UNC13C: variants seen among roughly 807,000 people sequenced by gnomAD.
The protein encoded by UNC13C is protein unc-13 homolog C.
A neutral mutation model predicts 245.4 loss-of-function variants in UNC13C; 174 were observed. The ratio of observed to expected loss-of-function variants is 0.71; its 90% CI spans 0.63 to 0.80. The LOEUF (loss-of-function observed/expected upper bound fraction) is 0.80, where lower values mean the gene tolerates loss of function less well. Ranked by LOEUF, UNC13C falls within the 30% of genes least tolerant of loss-of-function variation. The probability of loss-of-function intolerance (pLI) is 0.00; values close to 1 mark genes in which losing one functional copy is unlikely to be tolerated. For synonymous variants in UNC13C, 992 were observed against 895.1 expected (o/e 1.11, Z -1.93); for missense variants, 2,829 against 2,602.9 (o/e 1.09, Z -1.89).
intron 7 of UNC13C, among the ~76,000 whole-genome samples, chr15:54,238,230 A>G (rs1480880766): frequency 6.6e-6 from 1 of 152,032 alleles, no homozygotes; most frequent in Non-Finnish European, 1.5e-5. Context: ...GCTTGCCACC[A>G]TGCCCAGCTA....
At chr15:54,266,291 A>G (rs1460514820) in intron 10 of UNC13C, among the ~76,000 whole-genome samples, 1 of 151,990 alleles carries the variant, frequency 6.6e-6, no homozygotes, top group East Asian at 1.9e-4. Flanking sequence ...GTCTTAAGAA[A>G]TAGGTTTGGA....
intron 1 of UNC13C, among the ~76,000 whole-genome samples, chr15:53,984,702 A>C (rs1894058666): frequency 6.6e-6 from 1 of 152,152 alleles, no homozygotes; most frequent in East Asian, 1.9e-4. Flanking sequence ...TTTGAAATGT[A>C]CATGTTATTA....
intron 10 of UNC13C, among the ~76,000 whole-genome samples, chr15:54,285,964 G>A (rs967145425): frequency 3.3e-5 from 5 of 151,894 alleles, no homozygotes; most frequent in Admixed American, 6.6e-5. Context: ...TGCAACCTCC[G>A]CCTCCCCAGT....
intron 2 of UNC13C, among the ~76,000 whole-genome samples, chr15:54,128,868 C>T (rs1233287091): frequency 1.3e-5 from 2 of 152,148 alleles, no homozygotes; most frequent in African/African-American, 4.8e-5. Flanking sequence ...AGGGGAGTAA[C>T]CTCCTTAGTA....
At chr15:54,191,826 T>C (rs1471581948) in intron 4 of UNC13C, among the ~76,000 whole-genome samples, 1 of 152,210 alleles carries the variant, frequency 6.6e-6, no homozygotes, top group African/African-American at 2.4e-5. Context: ...TTTTTTCATA[T>C]GTTTTTTGGC....
Position 54,017,147 on chromosome 15 carries a change from T to C in UNC13C, c.2983+1261T>C, listed in dbSNP as rs187216517. Among the ~76,000 whole-genome samples, 14 of 152,318 alleles carry C rather than the reference T, an allele frequency of 9.2e-5. No individual in the cohort carries two copies. In the East Asian group the frequency reaches 2.7e-3, roughly 29 times the overall value. ...TCTATCTTTATAAAACAACACAGTT[T>C]ATGTAATTTATTTAGGAATGATATA... is the stretch of plus-strand genomic sequence containing the variant. On this transcript the variant is annotated intron_variant, in intron 2 of 32. Transcript: ENST00000260323.
intron 19 of UNC13C, among the ~76,000 whole-genome samples, chr15:54,430,041 A>G (rs1342746650): frequency 6.6e-6 from 1 of 151,662 alleles, no homozygotes; most frequent in Non-Finnish European, 1.5e-5. Context: ...ATGTTTGTAT[A>G]ACTATCGCTT....
chr15:54,010,822 G>A (rs557312625), intron 1 of UNC13C, among the ~76,000 whole-genome samples: 1 of 152,254 alleles, frequency 6.6e-6, no homozygotes, highest in South Asian at 2.1e-4. Flanking sequence ...TGGGATGGAT[G>A]ACACATGATC....
chr15:54,630,514 T>C (rs1175214628), downstream of UNC13C: 3 of 152,220 alleles, frequency 2.0e-5, no homozygotes, highest in African/African-American at 7.2e-5. Flanking sequence ...GCTCAAATAA[T>C]AAATGATCAT....
intron 4 of UNC13C, among the ~76,000 whole-genome samples, chr15:54,179,758 A>G (rs1451301835): frequency 3.3e-5 from 5 of 152,076 alleles, no homozygotes; most frequent in Admixed American, 6.6e-5. Flanking sequence ...ATGTTCCAAA[A>G]GTAATAAATG....
In UNC13C at chr15:54,143,142, A is replaced by G; in HGVS notation, c.3006+102A>G. ...GTTTGATTCCTCTGTTTTAGTTTTG[A>G]AATGTGCATGTTATCCCAGCTTTCC... On this transcript the variant is annotated intron_variant, in intron 3 of 32. Transcript: ENST00000260323. 3 of 1,115,682 alleles carry G rather than the reference A, an allele frequency of 2.7e-6. 1 individual carries two copies. Among genetic ancestry groups the G allele is most frequent in the South Asian group, 2.6e-5 (2 of 77,228 alleles). 69.1% of individuals were successfully genotyped at this position (1,115,682 alleles called of 1,614,324 possible).
intron 25 of UNC13C, among the ~76,000 whole-genome samples, chr15:54,526,240 A>G (rs1017233143): frequency 3.3e-5 from 5 of 152,200 alleles, no homozygotes; most frequent in African/African-American, 4.8e-5. Context: ...GAATCTAAAG[A>G]AAGATAAGTT....
intron 16 of UNC13C, 101 bp downstream of exon 16, chr15:54,333,957 A>T: frequency 1.3e-6 from 1 of 775,404 alleles, no homozygotes; most frequent in Non-Finnish European, 2.2e-6. Flanking sequence ...GTACTGTGTT[A>T]ACTCCATCGA....
At chr15:54,577,079 A>C (rs754612593) in intron 30 of UNC13C, among the ~76,000 whole-genome samples, 1 of 152,088 alleles carries the variant, frequency 6.6e-6, no homozygotes, top group Non-Finnish European at 1.5e-5. Context: ...GTATGTGTGC[A>C]TCCTTAGAAA....
At chr15:54,425,906 C>T (rs1331300764) in intron 19 of UNC13C, among the ~76,000 whole-genome samples, 1 of 151,772 alleles carries the variant, frequency 6.6e-6, no homozygotes, top group Non-Finnish European at 1.5e-5. Context: ...TTTCTGGAGA[C>T]TCTAGGAGAG....
chr15:54,320,679 TTCTCTGGC>T, intron 13 of UNC13C: 1 of 335,592 alleles, frequency 3.0e-6, no homozygotes, highest in South Asian at 2.7e-5. Context: ...TCCTTGTCAC[TTCTCTGGC>T]TCTCTTCTCC....
intron 4 of UNC13C, among the ~76,000 whole-genome samples, chr15:54,160,965 G>A (rs1283656007): frequency 6.6e-6 from 1 of 152,082 alleles, no homozygotes; most frequent in East Asian, 1.9e-4. Context: ...TTCTTTTGAA[G>A]GTTGATATCT....
intron 19 of UNC13C, 81 bp from the exon 20 acceptor site, chr15:54,494,527 C>G: frequency 1.5e-6 from 2 of 1,300,202 alleles, no homozygotes; most frequent in South Asian, 3.8e-5. Context: ...TTTAGAAATT[C>G]TATTAATAAA....
At chr15:54,074,360 G>T (rs7175934) in intron 2 of UNC13C, among the ~76,000 whole-genome samples, 71,275 of 151,268 alleles carry the variant, frequency 0.47, 18,659 homozygotes, top group Non-Finnish European at 0.6. Context: ...TGGCTATGTG[G>T]GCTCTTTTTG....
Sources: gnomAD v4.1 joint callset for allele counts (sites outside exome capture counted in the v4.1 genomes callset) on GRCh38, gnomAD v4.1.1 for gene constraint, MANE v1.5 for transcripts, NCBI Gene and HGNC (gene_info 2026-07-23, HGNC 2026-07-21) for gene names.